The following DNAJA2 variants were observed in gnomAD, a reference collection of about 807,000 sequenced individuals.
The protein encoded by DNAJA2 is DnaJ heat shock protein family (Hsp40) member A2, also known as dnaJ homolog subfamily A member 2.
In DNAJA2, 6 loss-of-function variants were observed where a neutral mutation model predicts 49.3. The observed-to-expected ratio is 0.12, with a 90% CI of 0.07 to 0.24. The LOEUF (loss-of-function observed/expected upper bound fraction) is 0.24, where lower values mean the gene tolerates loss of function less well. Among genes scored for constraint, DNAJA2 ranks in the 10% least tolerant of loss-of-function variants. The pLI, the probability that DNAJA2 is intolerant of heterozygous loss-of-function variation, is 1.00. For missense variants in DNAJA2, 347 were observed against 516.8 expected (o/e 0.67, Z 3.19); for synonymous variants, 160 against 172.7 (o/e 0.93, Z 0.58).
chr16:46,965,411 G>A (rs1378101566), intron 5 of DNAJA2, among the ~76,000 whole-genome samples: 4 of 152,120 alleles, frequency 2.6e-5, no homozygotes, highest in Non-Finnish European at 4.4e-5. Context: ...AAAAAACTGC[G>A]TCACTTTCTA....
chr16:46,964,626 C>T lies in DNAJA2; in HGVS notation c.759G>A (p.Gln253=), dbSNP rs778513262. The stretch of plus-strand genomic sequence containing the variant: ...GGAAAATCACCTCATGTTCTTTCTC[C>T]TGTAGCAAAAGAACAATGTCTCCGG... ...VEPGDIVLLL[Q]EKEHEVFQRD... Residue 253 remains glutamine, a synonymous_variant, in exon 6 of 9, where the codon CAG becomes CAA. Transcript: ENST00000317089. The T allele has an allele frequency of 6.2e-7, 1 of 1,601,330 alleles. No individual in the cohort carries two copies. The highest frequency in any genetic ancestry group is 8.5e-7 in the Non-Finnish European group (1 of 1,177,042).
In DNAJA2 at chr16:46,971,486, C is replaced by T; in HGVS notation, c.225G>A (p.Arg75=). The T allele has an allele frequency of 6.2e-7, 1 of 1,613,944 alleles. No individual in the cohort carries two copies. The highest frequency in any genetic ancestry group is 8.5e-7 in the Non-Finnish European group (1 of 1,179,976). The change falls in exon 3 of 9, where the codon CGG becomes CGA. Residue 75 remains arginine, a synonymous_variant. Transcript: ENST00000317089. ...LYDRYGEQGL[R]EGSGGGGGMD... ...TGCCACCACCTCCGCCGCTGCCTTCCCGAAGACCTTGCTCTCCGTATCTGT... is the reference window on the plus strand; with the variant it reads ...TGCCACCACCTCCGCCGCTGCCTTCTCGAAGACCTTGCTCTCCGTATCTGT...
chr16:46,965,181 G>A (rs532341047), intron 5 of DNAJA2, among the ~76,000 whole-genome samples: 4 of 152,132 alleles, frequency 2.6e-5, no homozygotes, highest in Non-Finnish European at 4.4e-5. Context: ...CTGCACCCCA[G>A]TCTGGGTGAC....
At chr16:46,967,460 CT>C in intron 5 of DNAJA2, 52 bp downstream of exon 5, 1 of 1,607,952 alleles carries the variant, frequency 6.2e-7, no homozygotes, top group East Asian at 2.2e-5. Context: ...TCTCCAATAT[CT>C]GCATTCCCAA....
intron 5 of DNAJA2, among the ~76,000 whole-genome samples, chr16:46,965,604 G>A (rs945095502): frequency 2.0e-5 from 3 of 151,974 alleles, no homozygotes; most frequent in African/African-American, 7.3e-5. Flanking sequence ...GCGAAGGCGG[G>A]AGGATCACCT....
chr16:46,971,655 TAATTCTAA>T, intron 2 of DNAJA2, 83 bp from the exon 3 acceptor site: 1 of 266,646 alleles, frequency 3.8e-6, no homozygotes. Context: ...AGAATCCATT[TAATTCTAA>T]AAAAAAAAAA....
At chr16:46,965,633 C>G (rs972386843) in intron 5 of DNAJA2, among the ~76,000 whole-genome samples, 1 of 151,516 alleles carries the variant, frequency 6.6e-6, no homozygotes, top group Admixed American at 6.6e-5. Flanking sequence ...GAGTTTGAGA[C>G]CAGCCTGGCC....
At chr16:46,966,026 C>T (rs1961964917) in intron 5 of DNAJA2, among the ~76,000 whole-genome samples, 3 of 151,846 alleles carry the variant, frequency 2.0e-5, no homozygotes, top group Admixed American at 6.6e-5. Context: ...GAGTTCGAGA[C>T]CAGCCTGGGC....
At chr16:46,958,581 C>CAA (rs1211324567) in intron 8 of DNAJA2, 123 of 45,626 alleles carry the variant, frequency 2.7e-3, no homozygotes, top group Non-Finnish European at 6.8e-3. Flanking sequence ...AAAACAAAAA[C>CAA]AAACAAACAA....
At chr16:46,967,721 T>A in intron 4 of DNAJA2, 75 bp from the exon 5 acceptor site, 3 of 1,581,234 alleles carry the variant, frequency 1.9e-6, no homozygotes, top group Non-Finnish European at 2.6e-6. Context: ...ACAGAAATTG[T>A]GCTTTTACCT....
intron 3 of DNAJA2, 83 bp downstream of exon 3, chr16:46,971,266 T>C (rs996383687): frequency 8.2e-7 from 1 of 1,212,542 alleles, no homozygotes; most frequent in African/African-American, 1.5e-5. Flanking sequence ...CAGAACACTC[T>C]ATGAGATTTT....
At chr16:46,958,024 G>C (rs1314513549) in intron 8 of DNAJA2, among the ~76,000 whole-genome samples, 1 of 152,150 alleles carries the variant, frequency 6.6e-6, no homozygotes, top group East Asian at 1.9e-4. Flanking sequence ...CTTTAAAATT[G>C]AAAGTAACAT....
rs1961828540 is a variant in DNAJA2 at position 46,957,293 on chromosome 16, A to G, written c.1048-73T>C. 9 of 1,373,078 alleles carry G rather than the reference A, an allele frequency of 6.6e-6. 1 individual carries two copies. The South Asian group carries it at 1.3e-4, about 19-fold the overall frequency. The allele number at this position is 1,373,078 out of a possible 1,614,324, so 85.1% of individuals were successfully genotyped here. ...ACTTTCCTTTTGATACATAGAATCC[A>G]GTGTCTGTTTAAGAGTTTAAAAAGG... On this transcript the variant is annotated intron_variant, in intron 8 of 8. Transcript: ENST00000317089.
At chr16:46,963,747 G>A (rs1961930801) in intron 6 of DNAJA2, among the ~76,000 whole-genome samples, 1 of 151,990 alleles carries the variant, frequency 6.6e-6, no homozygotes, top group African/African-American at 2.4e-5. Flanking sequence ...TTCTTCAGAA[G>A]CTTCTAAAAA....
At chr16:46,972,602 G>A (rs1333106770) in intron 1 of DNAJA2, 5 of 152,230 alleles carry the variant, frequency 3.3e-5, no homozygotes, top group African/African-American at 9.7e-5. Flanking sequence ...ATACAGACTA[G>A]CATTTCCGGT....
chr16:46,970,727 T>G, intron 3 of DNAJA2, among the ~76,000 whole-genome samples: 2 of 7,856 alleles, frequency 2.5e-4, no homozygotes, highest in Non-Finnish European at 1.0e-3. Context: ...AGGGACTCCA[T>G]TTCAAAAAAA....
chr16:46,967,672 A>G, intron 4 of DNAJA2, 26 bp from the exon 5 acceptor site: 1 of 1,613,978 alleles, frequency 6.2e-7, no homozygotes, highest in Non-Finnish European at 8.5e-7. Flanking sequence ...GTTATGCATT[A>G]GGTTTTTGTC....
At chr16:46,972,045 A>C (rs1179066573) in intron 1 of DNAJA2, 90 bp from the exon 2 acceptor site, 2 of 929,502 alleles carry the variant, frequency 2.2e-6, no homozygotes, top group Non-Finnish European at 3.5e-6. Flanking sequence ...CTGAGAAGTA[A>C]TGTTCTAGAG....
intron 3 of DNAJA2, among the ~76,000 whole-genome samples, chr16:46,970,730 CAAAAA>C (rs10523905): frequency 0.03 from 975 of 32,162 alleles, 25 homozygotes; most frequent in African/African-American, 0.075. Context: ...GACTCCATTT[CAAAAA>C]AAAAAAAAAA....
Sources: allele counts gnomAD v4.1 joint callset (sites outside exome capture counted in the v4.1 genomes callset), GRCh38; gene constraint gnomAD v4.1.1; transcripts MANE v1.5; gene names NCBI Gene and HGNC (gene_info 2026-07-23, HGNC 2026-07-21).